Variants in ACOT1 observed in about 807,000 individuals in gnomAD.
ACOT1 encodes acyl-CoA thioesterase 1, also known as acyl-coenzyme A thioesterase 1.
In ACOT1, 8 loss-of-function variants were observed where a neutral mutation model predicts 15.7. The observed-to-expected ratio is 0.51, with a 90% CI of 0.30 to 0.92. The LOEUF is 0.92. ACOT1 is among the 40% of genes least tolerant of loss of function. The probability of loss-of-function intolerance (pLI) is 0.06; values close to 1 mark genes in which losing one functional copy is unlikely to be tolerated. For synonymous variants in ACOT1, 67 were observed against 241.2 expected, an observed-to-expected ratio of 0.28 and a Z score of 6.69; for missense variants, 151 against 539.4, an observed-to-expected ratio of 0.28 and a Z score of 7.13.
At chr14:73,522,489 G>T in the ACOT1 span, 4 of 1,614,224 alleles carry the variant, frequency 2.5e-6, no homozygotes, top group South Asian at 4.4e-5. Flanking sequence ...CTTCGAGGAC[G>T]CTTGCTCTGG....
the ACOT1 span, among the ~76,000 whole-genome samples, chr14:73,502,366 C>G: frequency 1.2e-3 from 179 of 152,212 alleles, 1 homozygote; most frequent in African/African-American, 3.9e-3. Context: ...ATCAGAATTG[C>G]GTCATACTTT....
At chr14:73,513,728 CAAAAAAAAA>C in the ACOT1 span, among the ~76,000 whole-genome samples, 2 of 46,758 alleles carry the variant, frequency 4.3e-5, no homozygotes, top group Admixed American at 3.9e-4. Flanking sequence ...ACTACGTCTC[CAAAAAAAAA>C]AAAAAAAAAA....
chr14:73,491,007 G>C, the ACOT1 span: 10 of 1,415,378 alleles, frequency 7.1e-6, 1 homozygote, highest in South Asian at 1.4e-4. Context: ...GAAGACTGGT[G>C]TGGTCTGGCC....
At chr14:73,519,223 G>T in the ACOT1 span, 2 of 1,530,404 alleles carry the variant, frequency 1.3e-6, no homozygotes, top group Non-Finnish European at 1.8e-6. Context: ...TTTCTCCCTG[G>T]GTTCCTAATC....
the ACOT1 span, among the ~76,000 whole-genome samples, chr14:73,509,854 ATATATATATATATATTTATT>A: frequency 2.0e-3 from 120 of 58,574 alleles, 5 homozygotes; most frequent in Non-Finnish European, 3.2e-3. Context: ...ATATATATAT[ATATATATATATATATTTATT>A]TATTTTATAT....
chr14:73,514,247 GCAGTGTGAGGTCTTTTCACCC>G, the ACOT1 span: 313 of 1,611,474 alleles, frequency 1.9e-4, no homozygotes, highest in Non-Finnish European at 2.6e-4. Flanking sequence ...GTGCAACGTG[GCAGTGTGAGGTCTTTTCACCC>G]CACTGCCTTA....
At chr14:73,518,861 T>C in the ACOT1 span, among the ~76,000 whole-genome samples, 1 of 152,162 alleles carries the variant, frequency 6.6e-6, no homozygotes. Context: ...TATTTTATAA[T>C]TTTGTGAGAT....
the ACOT1 span, chr14:73,522,609 C>G: frequency 3.7e-6 from 6 of 1,614,248 alleles, no homozygotes; most frequent in Non-Finnish European, 5.1e-6. Flanking sequence ...AGGTTCACAT[C>G]TAGAGAAGGT....
the ACOT1 span, chr14:73,491,634 TTGAG>T: frequency 6.5e-7 from 1 of 1,549,908 alleles, no homozygotes; most frequent in Non-Finnish European, 8.7e-7. Context: ...GCCCGCCTCT[TTGAG>T]TGGCTCATCG....
At chr14:73,521,106 A>G in the ACOT1 span, 1 of 1,369,426 alleles carries the variant, frequency 7.3e-7, no homozygotes, top group Non-Finnish European at 1.0e-6. Flanking sequence ...TTTCCATTAA[A>G]TCCACAGCTC....
chr14:73,491,064 C>T, the ACOT1 span: 2 of 1,593,206 alleles, frequency 1.3e-6, no homozygotes, highest in Non-Finnish European at 1.7e-6. Context: ...CGCGGGCGGC[C>T]GAAGCGCCGG....
the ACOT1 span, chr14:73,492,392 A>T: frequency 6.2e-7 from 1 of 1,613,842 alleles, no homozygotes; most frequent in South Asian, 1.1e-5. This position sits in a 1 kb window ranked among gnomAD's most constrained non-coding sequence, Gnocchi z 4.9. Flanking sequence ...CCGAGACTTC[A>T]TGGATTACAT....
the ACOT1 span, chr14:73,499,141 C>G: frequency 6.2e-7 from 1 of 1,614,040 alleles, no homozygotes; most frequent in Non-Finnish European, 8.5e-7. Flanking sequence ...ATTCAAGCAC[C>G]TGGGATGGAA....
At chr14:73,538,671 CAAACA>C (rs1306521822) in intron 1 of ACOT1, among the ~76,000 whole-genome samples, 5 of 96,326 alleles carry the variant, frequency 5.2e-5, no homozygotes, top group Admixed American at 2.3e-4. Context: ...ATATTAAAAA[CAAACA>C]AAACAAAACA....
chr14:73,493,709 G>A, the ACOT1 span, among the ~76,000 whole-genome samples: 4 of 152,086 alleles, frequency 2.6e-5, no homozygotes, highest in African/African-American at 9.7e-5. Flanking sequence ...ATAGTGGTGC[G>A]TGCCTGTAAT....
At chr14:73,532,751 G>T (rs556138136), upstream of ACOT1, among the ~76,000 whole-genome samples, 19 of 114,310 alleles carry the variant, frequency 1.7e-4, 4 homozygotes, top group Middle Eastern at 0.014. Context: ...TCAGGAGATT[G>T]AAACCATCCT....
At chr14:73,512,194 G>A in the ACOT1 span, 5 of 1,606,462 alleles carry the variant, frequency 3.1e-6, no homozygotes, top group South Asian at 4.4e-5. Context: ...CCTGGTTAGG[G>A]TTAGATATTG....
At chr14:73,526,717 T>A in the ACOT1 span, among the ~76,000 whole-genome samples, 1 of 152,146 alleles carries the variant, frequency 6.6e-6, no homozygotes, top group Non-Finnish European at 1.5e-5. Context: ...CTCTGATGGG[T>A]CAGATTTATC....
At chr14:73,510,539 G>A in the ACOT1 span, among the ~76,000 whole-genome samples, 1 of 151,906 alleles carries the variant, frequency 6.6e-6, no homozygotes, top group Non-Finnish European at 1.5e-5. Flanking sequence ...GGGTTCAGGC[G>A]ATTCTTCTGC....
Sources: allele counts gnomAD v4.1 joint callset (sites outside exome capture counted in the v4.1 genomes callset), GRCh38; gene constraint gnomAD v4.1.1; non-coding constraint Gnocchi (gnomAD v3.1); transcripts MANE v1.5; gene names NCBI Gene and HGNC (gene_info 2026-07-23, HGNC 2026-07-21).